RHCG: variants seen among roughly 807,000 people sequenced by gnomAD.
RHCG encodes the protein Rh family C glycoprotein.
Under a neutral mutation model 55.3 loss-of-function variants are expected in RHCG, and 39 were observed. The ratio of observed to expected loss-of-function variants is 0.70; its 90% CI spans 0.55 to 0.92. The LOEUF is 0.92. Ranked by LOEUF, RHCG falls within the 40% of genes least tolerant of loss-of-function variation. RHCG has a pLI of 0.00. For missense variants in RHCG, 635 were observed against 627.9 expected, an observed-to-expected ratio of 1.01 and a Z score of -0.12; for synonymous variants, 250 against 246.8, an observed-to-expected ratio of 1.01 and a Z score of -0.12.
At chr15:89,480,933 C>T (rs1233031040) in intron 3 of RHCG, among the ~76,000 whole-genome samples, 3 of 152,224 alleles carry the variant, frequency 2.0e-5, no homozygotes, top group Non-Finnish European at 2.9e-5. Context: ...CCTCCTTCCT[C>T]CCCACCTAGA....
intron 10 of RHCG, 96 bp downstream of exon 10, chr15:89,472,615 T>A: frequency 7.9e-7 from 1 of 1,262,392 alleles, no homozygotes; most frequent in Non-Finnish European, 1.1e-6. Context: ...TCTTGATGTT[T>A]GCTTTTTGCC....
In RHCG at chr15:89,477,878, C is replaced by G; in HGVS notation, c.934G>C (p.Val312Leu). The G allele has an allele frequency of 6.2e-7, 1 of 1,614,060 alleles. No homozygotes were observed. Among genetic ancestry groups the G allele is most frequent in the Non-Finnish European group, 8.5e-7 (1 of 1,180,000 alleles). The change falls in exon 6 of 11, where the codon GTC becomes CTC. Residue 312 changes from valine (V) to leucine (L), a missense_variant. Transcript: ENST00000268122. The surrounding 1 kb of genome is among the most constrained non-coding windows in gnomAD (Gnocchi z 4.5). ...CCCAGGGTGGAGATGATGCCGCAGA[C>G]GAAGCCGATGATGAGGGCACCGTAA... is the stretch of plus-strand genomic sequence containing the variant. Reference protein sequence around the residue: ...MPYGALIIGFVCGIISTLGFV... With the variant: ...MPYGALIIGFLCGIISTLGFV...
intron 1 of RHCG, among the ~76,000 whole-genome samples, chr15:89,490,117 C>T (rs1403960854): frequency 6.6e-6 from 1 of 152,256 alleles, no homozygotes; most frequent in Non-Finnish European, 1.5e-5. Context: ...GCTGCAGCCC[C>T]CCTCCAGTCC....
intron 2 of RHCG, 140 bp downstream of exon 2, chr15:89,486,659 C>T: frequency 2.3e-6 from 1 of 440,590 alleles, no homozygotes; most frequent in Admixed American, 3.0e-5. Flanking sequence ...TCTCGCAAGC[C>T]CAGTGTGGCC....
At chr15:89,476,913 C>A (rs1567224695) in intron 8 of RHCG, 85 bp from the exon 9 acceptor site, 2 of 1,540,606 alleles carry the variant, frequency 1.3e-6, no homozygotes, top group Admixed American at 3.4e-5. Flanking sequence ...GGAAAATCCT[C>A]CTGGGGCCCT....
chr15:89,475,489 G>T (rs2141887525), intron 9 of RHCG, among the ~76,000 whole-genome samples: 1 of 152,242 alleles, frequency 6.6e-6, no homozygotes, highest in East Asian at 1.9e-4. Flanking sequence ...CAGGTGATCT[G>T]CCCGCCTCGG....
In RHCG at chr15:89,477,991, G is replaced by C; in HGVS notation, c.838-17C>G. 3.1e-6 allele frequency: 5 copies of C among 1,593,104 alleles called. No individual in the cohort carries two copies. The highest frequency in any genetic ancestry group is 4.3e-6 in the Non-Finnish European group (5 of 1,167,040). On this transcript the variant is annotated splice_polypyrimidine_tract_variant and intron_variant, in intron 5 of 10. Transcript: ENST00000268122. This position sits in a 1 kb window ranked among gnomAD's most constrained non-coding sequence, Gnocchi z 4.5. The stretch of plus-strand genomic sequence containing the variant: ...GATGTGCACCTGGGCAGGGCAGGCA[G>C]AGCAGGCAGGAACTCAGTCCTCTCC...
chr15:89,474,488 G>A (rs950536376), intron 9 of RHCG, among the ~76,000 whole-genome samples: 1 of 152,190 alleles, frequency 6.6e-6, no homozygotes, highest in African/African-American at 2.4e-5. Flanking sequence ...GACAGTGCAG[G>A]AGGCATGAGG....
rs1461951558 is a variant in RHCG, at chr15:89,486,952, C to T, written c.218G>A (p.Gly73Asp). The T allele has an allele frequency of 3.1e-6, 5 of 1,605,310 alleles. No homozygotes were observed. The highest frequency in any genetic ancestry group is 2.6e-6 in the Non-Finnish European group (3 of 1,173,534). The change falls in exon 2 of 11, where the codon GGC becomes GAC. Residue 73 changes from glycine (G) to aspartate (D), a missense_variant. Physicochemically the swap from Gly to Asp is moderately conservative, Grantham distance 94 (BLOSUM62 -1). Transcript: ENST00000268122. Reference protein sequence around the residue: ...FQDVHVMVFVGFGFLMTFLQR... With the variant: ...FQDVHVMVFVDFGFLMTFLQR... Reference sequence around the variant, plus strand: ...CAGGAAAGTCATGAGGAAGCCGAAGCCCACGAAGACCATCACGTGCACGTC... The same window carrying T: ...CAGGAAAGTCATGAGGAAGCCGAAGTCCACGAAGACCATCACGTGCACGTC...
chr15:89,475,624 T>TG (rs1462867086), intron 9 of RHCG, among the ~76,000 whole-genome samples: 1 of 152,204 alleles, frequency 6.6e-6, no homozygotes, highest in Non-Finnish European at 1.5e-5. Flanking sequence ...TCAGAACCTC[T>TG]GGGGTGGTGC....
intron 9 of RHCG, among the ~76,000 whole-genome samples, 155 bp downstream of exon 9, chr15:89,476,600 G>A (rs556188635): frequency 6.6e-6 from 1 of 152,200 alleles, no homozygotes; most frequent in Non-Finnish European, 1.5e-5. Flanking sequence ...CAACCTCCAT[G>A]AGACACAGCC....
intron 10 of RHCG, 65 bp downstream of exon 10, chr15:89,472,646 T>C: frequency 8.7e-6 from 13 of 1,489,308 alleles, no homozygotes; most frequent in Non-Finnish European, 1.2e-5. Context: ...TAACATCTGA[T>C]TCTGAGAGCT....
rs541123760 is a variant in RHCG at position 89,480,147 on chromosome 15, T to A, written c.670+114A>T. The stretch of plus-strand genomic sequence containing the variant: ...CACCATACCACGTGGGGATCAGGTC[T>A]GATCATGGTGGCCTTCACCCATCAT... On this transcript the variant is annotated intron_variant, in intron 4 of 10. Coordinates refer to ENST00000268122, the MANE Select transcript of RHCG (RefSeq NM_016321.3). The A allele has an allele frequency of 9.3e-6, 13 of 1,404,842 alleles. No individual in the cohort carries two copies. In the South Asian group the frequency reaches 1.3e-4, roughly 14 times the overall value. 87.0% of individuals were successfully genotyped at this position (1,404,842 alleles called of 1,614,324 possible). A position where few individuals can be genotyped will look rare whatever the true frequency, so the allele number is the denominator to read the frequency against.
chr15:89,482,630 G>A (rs990071889), intron 3 of RHCG, among the ~76,000 whole-genome samples: 6 of 152,182 alleles, frequency 3.9e-5, no homozygotes, highest in African/African-American at 7.2e-5. Flanking sequence ...CCATGTGAAT[G>A]GCAGCTCTGG....
intron 1 of RHCG, among the ~76,000 whole-genome samples, chr15:89,491,782 A>T (rs980632527): frequency 2.4e-5 from 3 of 123,876 alleles, no homozygotes; most frequent in African/African-American, 5.5e-5. Flanking sequence ...AATAAAAATT[A>T]AAAAAAAAAA....
chr15:89,478,851 G>T (rs1016053326), intron 5 of RHCG, among the ~76,000 whole-genome samples: 2 of 152,204 alleles, frequency 1.3e-5, no homozygotes, highest in African/African-American at 2.4e-5. Context: ...AGCACTTTGG[G>T]AGGCTGAGGT....
intron 2 of RHCG, among the ~76,000 whole-genome samples, chr15:89,485,968 G>A (rs1961350865): frequency 1.3e-5 from 2 of 152,198 alleles, no homozygotes; most frequent in Non-Finnish European, 2.9e-5. Flanking sequence ...TTTATAACCT[G>A]TTGGTGGTGT....
rs573355611 is a variant in RHCG at position 89,476,875 on chromosome 15, T to A, written c.1238-47A>T. ...AGGATGTCAGGAAGTGCCTTCTCTC[T>A]GCTCACCCCAGCCATTTCCCTCAGC... On this transcript the variant is annotated intron_variant, in intron 8 of 10. Transcript: ENST00000268122. 18 of 1,572,944 alleles carry A rather than the reference T, an allele frequency of 1.1e-5. No individual in the cohort carries two copies. The East Asian group carries it at 3.8e-4, about 33-fold the overall frequency.
Position 89,477,808 on chromosome 15 carries a change from G to A in RHCG, c.975+29C>T, listed in dbSNP as rs1567225076. Reference sequence around the variant, plus strand: ...AACACAAAGACCTCAGCATTCTCTAGCCCCCAGCCCCTTGCCTGGGGCACT... The same window carrying A: ...AACACAAAGACCTCAGCATTCTCTAACCCCCAGCCCCTTGCCTGGGGCACT... On this transcript the variant is annotated intron_variant, in intron 6 of 10. Coordinates refer to ENST00000268122, the MANE Select transcript of RHCG (RefSeq NM_016321.3). The surrounding 1 kb of genome is among the most constrained non-coding windows in gnomAD (Gnocchi z 4.5). 1 of 1,613,242 alleles carries A rather than the reference G, an allele frequency of 6.2e-7. No individual in the cohort carries two copies. The highest frequency in any genetic ancestry group is 8.5e-7 in the Non-Finnish European group (1 of 1,179,582).
Sources: gnomAD v4.1 joint callset for allele counts (sites outside exome capture counted in the v4.1 genomes callset) on GRCh38, gnomAD v4.1.1 for gene constraint, Gnocchi (gnomAD v3.1) non-coding constraint, MANE v1.5 for transcripts, NCBI Gene and HGNC (gene_info 2026-07-23, HGNC 2026-07-21) for gene names.